The following MSTO1 variants were observed in gnomAD, a reference collection of about 807,000 sequenced individuals.
The protein encoded by MSTO1 is misato mitochondrial distribution and morphology regulator 1, also known as protein misato homolog 1.
MSTO1 carries 24 observed loss-of-function variants against 55.7 expected under a neutral mutation model. The observed-to-expected ratio is 0.43, with a 90% CI of 0.31 to 0.61. MSTO1 has a LOEUF of 0.61. MSTO1 is among the 20% of genes least tolerant of loss of function. The pLI is 0.09. For missense variants in MSTO1, 363 were observed against 625.7 expected (o/e 0.58, Z 4.48); for synonymous variants, 162 against 252.8 (o/e 0.64, Z 3.41).
At chr1:155,581,951 G>A in the MSTO1 span, among the ~76,000 whole-genome samples, 172 of 145,626 alleles carry the variant, frequency 1.2e-3, 1 homozygote, top group African/African-American at 4.2e-3. Flanking sequence ...GCACCACCAT[G>A]TCTGGCTTTT....
the MSTO1 span, among the ~76,000 whole-genome samples, chr1:155,599,406 G>GT: frequency 5.9e-5 from 9 of 151,954 alleles, no homozygotes; most frequent in Admixed American, 2.6e-4. Flanking sequence ...TCACCACGGG[G>GT]TTTTTTTTGT....
chr1:155,591,344 T>C, the MSTO1 span: 1 of 1,093,356 alleles, frequency 9.1e-7, no homozygotes, highest in Admixed American at 2.5e-5. Context: ...ACCATCACGG[T>C]GATCTTCTAG....
chr1:155,592,904 A>G, the MSTO1 span, among the ~76,000 whole-genome samples: 2 of 148,998 alleles, frequency 1.3e-5, no homozygotes, highest in Admixed American at 6.7e-5. Context: ...AATTTCCTAC[A>G]GAGCAGTTTA....
the MSTO1 span, among the ~76,000 whole-genome samples, chr1:155,582,319 G>A: frequency 6.6e-6 from 1 of 152,174 alleles, no homozygotes; most frequent in African/African-American, 2.4e-5. Context: ...AAATCAGTAC[G>A]CAATTTTTCA....
At chr1:155,610,005 A>G, upstream of MSTO1, 1 of 532,254 alleles carries the variant, frequency 1.9e-6, no homozygotes, top group Non-Finnish European at 3.3e-6. Flanking sequence ...TCCAACGTGG[A>G]GCAGGAGCAA....
the MSTO1 span, among the ~76,000 whole-genome samples, chr1:155,572,652 T>G: frequency 6.6e-6 from 1 of 151,904 alleles, no homozygotes; most frequent in East Asian, 1.9e-4. Context: ...ATGGAGAATT[T>G]TTTTTTCTTT....
Position 155,612,314 on chromosome 1 carries a change from G to C in MSTO1, c.811G>C (p.Gly271Arg), listed in dbSNP as rs1350087357. 5.1e-6 allele frequency: 8 copies of C among 1,577,862 alleles called. No homozygotes were observed. Among genetic ancestry groups the C allele is most frequent in the Non-Finnish European group, 6.0e-6 (7 of 1,161,010 alleles). Residue 271 changes from glycine (G) to arginine (R), a missense_variant and splice_region_variant, in exon 8 of 14, where the codon GGG (glycine) becomes CGG (arginine). Gly to Arg is a moderately radical substitution (Grantham distance 125, BLOSUM62 -2). Transcript: ENST00000245564. ...CCTGCTACCTGGTCCCTACCATCGT[G>C]GGGTGAGTGGAACTTAGAGAAGTAA... ...WGLLPGPYHRGEAQRNIYRLL... is the reference protein window; with the variant it reads ...WGLLPGPYHRREAQRNIYRLL...
At chr1:155,586,099 T>G in the MSTO1 span, among the ~76,000 whole-genome samples, 1,740 of 152,014 alleles carry the variant, frequency 0.011, 37 homozygotes, top group African/African-American at 0.04. Context: ...CGGACATTTG[T>G]TTTTTTTACA....
At chr1:155,569,434 C>CTTTT in the MSTO1 span, among the ~76,000 whole-genome samples, 24 of 89,774 alleles carry the variant, frequency 2.7e-4, no homozygotes, top group African/African-American at 7.1e-4. Flanking sequence ...TGCGCCCGGT[C>CTTTT]TTTTTTTTTT....
At chr1:155,609,982 GC>G (rs1673466838), upstream of MSTO1, 1 of 489,478 alleles carries the variant, frequency 2.0e-6, no homozygotes, top group Admixed American at 3.9e-5. Context: ...GGCGGAGACG[GC>G]GCCCACCCCG....
the MSTO1 span, among the ~76,000 whole-genome samples, chr1:155,575,114 G>A: frequency 2.6e-5 from 4 of 151,338 alleles, no homozygotes; most frequent in East Asian, 3.9e-4. Context: ...TGATTCACTC[G>A]CCTCAGCTTC....
chr1:155,610,191 C>T (rs993608255), upstream of MSTO1: 7 of 936,690 alleles, frequency 7.5e-6, no homozygotes, highest in African/African-American at 6.6e-5. Context: ...CCAAGCCAAT[C>T]GGCTAGGAGC....
chr1:155,568,627 A>G, the MSTO1 span, among the ~76,000 whole-genome samples: 1 of 150,964 alleles, frequency 6.6e-6, no homozygotes, highest in Non-Finnish European at 1.5e-5. Flanking sequence ...TTTAGTAGAG[A>G]CAGGATTTCA....
At chr1:155,613,278 C>T in intron 11 of MSTO1, 45 bp downstream of exon 11, 3 of 1,596,116 alleles carry the variant, frequency 1.9e-6, no homozygotes, top group Admixed American at 3.4e-5. Flanking sequence ...ATTTTTGTCT[C>T]ATATCCATCT....
chr1:155,578,510 T>A, the MSTO1 span, among the ~76,000 whole-genome samples: 1 of 138,482 alleles, frequency 7.2e-6, no homozygotes, highest in East Asian at 2.1e-4. Flanking sequence ...GGCTAATCTT[T>A]TTTTTTTTTT....
the MSTO1 span, chr1:155,602,213 T>C: frequency 1.6e-6 from 1 of 630,066 alleles, no homozygotes; most frequent in South Asian, 1.5e-5. Context: ...GCTTTGTGGC[T>C]CACACCTGTA....
chr1:155,567,092 C>T, the MSTO1 span, among the ~76,000 whole-genome samples: 1 of 151,196 alleles, frequency 6.6e-6, no homozygotes, highest in Non-Finnish European at 1.5e-5. Flanking sequence ...TTACATTTGA[C>T]GAGTTATGGT....
At chr1:155,588,102 G>A in the MSTO1 span, among the ~76,000 whole-genome samples, 1 of 151,590 alleles carries the variant, frequency 6.6e-6, no homozygotes, top group African/African-American at 2.4e-5. Context: ...TCAGCTACTC[G>A]GGAGGCTGTG....
At chr1:155,605,820 C>T (rs1270075071), upstream of MSTO1, among the ~76,000 whole-genome samples, 1 of 152,214 alleles carries the variant, frequency 6.6e-6, no homozygotes, top group Non-Finnish European at 1.5e-5. Flanking sequence ...GTCTATATAA[C>T]TTGGCCTGTA....
Sources: allele counts gnomAD v4.1 joint callset (sites outside exome capture counted in the v4.1 genomes callset), GRCh38; gene constraint gnomAD v4.1.1; transcripts MANE v1.5; gene names NCBI Gene and HGNC (gene_info 2026-07-23, HGNC 2026-07-21).